Variants in KDM4C observed in about 807,000 individuals in gnomAD.
The protein encoded by KDM4C is lysine demethylase 4C.
In KDM4C, 81 loss-of-function variants were observed where a neutral mutation model predicts 129.3. That is an observed-to-expected ratio of 0.63 (90% confidence interval 0.52 to 0.75). The LOEUF (loss-of-function observed/expected upper bound fraction) is 0.75, where lower values mean the gene tolerates loss of function less well. KDM4C is among the 30% of genes least tolerant of loss of function. KDM4C has a pLI of 0.00. For synonymous variants in KDM4C, 573 were observed against 456.1 expected (o/e 1.26, Z -3.26); for missense variants, 1,457 against 1,304.0 (o/e 1.12, Z -1.81).
intron 17 of KDM4C, chr9:7,076,655 C>T (rs954224108): frequency 1.5e-5 from 20 of 1,310,918 alleles, no homozygotes; most frequent in Middle Eastern, 2.0e-4. Context: ...CCTTTTGTAT[C>T]TGTCATTTTC....
chr9:6,856,532 C>G (rs1305394269), intron 5 of KDM4C, among the ~76,000 whole-genome samples: 4 of 127,602 alleles, frequency 3.1e-5, no homozygotes, highest in East Asian at 2.4e-4. Context: ...ATATCTCTCT[C>G]TGTGTGCGTG....
At chr9:6,909,623 A>T (rs557872052) in intron 8 of KDM4C, among the ~76,000 whole-genome samples, 1 of 152,188 alleles carries the variant, frequency 6.6e-6, no homozygotes, top group African/African-American at 2.4e-5. Flanking sequence ...TAAAAAAAAA[A>T]TAAAAATAAG....
chr9:6,872,190 A>G (rs948094858), intron 5 of KDM4C, among the ~76,000 whole-genome samples: 1 of 152,180 alleles, frequency 6.6e-6, no homozygotes. Context: ...GCAGTGAGGT[A>G]TGAAGGTTTT....
In KDM4C at chr9:6,941,385, G is replaced by T. The variant is rs190658510; in HGVS notation, c.922-39540G>T. ...CTTTTAATGGGGTTGTTCTTTTCTT[G>T]TAAATTTGTTTCTTATAGATGCTGT... On this transcript the variant is annotated intron_variant, in intron 8 of 21. Coordinates refer to ENST00000381309, the MANE Select transcript of KDM4C (RefSeq NM_015061.6). Among the ~76,000 whole-genome samples, 430 of 151,990 alleles carry T rather than the reference G, an allele frequency of 2.8e-3. 1 individual carries two copies. Among genetic ancestry groups the T allele is most frequent in the African/African-American group, 9.9e-3 (411 of 41,480 alleles).
intron 6 of KDM4C, among the ~76,000 whole-genome samples, chr9:6,881,751 T>C (rs190812157): frequency 6.6e-6 from 1 of 152,326 alleles, no homozygotes; most frequent in East Asian, 1.9e-4. Context: ...TTCAAAACTC[T>C]TTTGCAGCAA....
chr9:6,854,291 G>A (rs960846619), intron 5 of KDM4C, among the ~76,000 whole-genome samples: 7 of 152,168 alleles, frequency 4.6e-5, no homozygotes, highest in South Asian at 4.1e-4. Flanking sequence ...CACTTTGGGA[G>A]GCCGAGGCGG....
chr9:7,165,466 C>G, intron 20 of KDM4C, 109 bp downstream of exon 20: 2 of 1,261,216 alleles, frequency 1.6e-6, no homozygotes, highest in Middle Eastern at 2.5e-4. Flanking sequence ...TTTGGGACAC[C>G]TCTTATTTTA....
intron 17 of KDM4C, among the ~76,000 whole-genome samples, chr9:7,097,475 C>T (rs1444805298): frequency 6.6e-6 from 1 of 152,200 alleles, no homozygotes; most frequent in African/African-American, 2.4e-5. Context: ...CTACACTCTC[C>T]TGCCACATCA....
chr9:6,779,017 A>T (rs1422106484), intron 1 of KDM4C, among the ~76,000 whole-genome samples: 3 of 127,074 alleles, frequency 2.4e-5, no homozygotes. Flanking sequence ...CTACCTCACC[A>T]GGCCTGATTA....
chr9:6,966,705 G>A (rs952207456), intron 8 of KDM4C, among the ~76,000 whole-genome samples: 1 of 151,992 alleles, frequency 6.6e-6, no homozygotes, highest in Non-Finnish European at 1.5e-5. Flanking sequence ...TTTTGTCAAA[G>A]GCATCCAACC....
chr9:6,777,706 A>G (rs978110685), intron 1 of KDM4C, among the ~76,000 whole-genome samples: 7 of 151,954 alleles, frequency 4.6e-5, no homozygotes, highest in African/African-American at 1.7e-4. Flanking sequence ...ATCTTGGTTC[A>G]CCGCAACCTC....
At chr9:6,839,153 C>G (rs1836428914) in intron 4 of KDM4C, among the ~76,000 whole-genome samples, 1 of 152,150 alleles carries the variant, frequency 6.6e-6, no homozygotes, top group South Asian at 2.1e-4. Context: ...TCTTTAAAGA[C>G]AAAGTCTTCT....
At chr9:6,874,461 T>C (rs546681503) in intron 5 of KDM4C, among the ~76,000 whole-genome samples, 5 of 152,246 alleles carry the variant, frequency 3.3e-5, no homozygotes, top group Non-Finnish European at 5.9e-5. Flanking sequence ...TGACTTTTAC[T>C]GATTTTCAAA....
At chr9:6,802,511 C>T (rs1829195446) in intron 2 of KDM4C, among the ~76,000 whole-genome samples, 1 of 152,130 alleles carries the variant, frequency 6.6e-6, no homozygotes, top group Admixed American at 6.5e-5. Flanking sequence ...TTAGAAAAAG[C>T]CACATGCCCA....
intron 17 of KDM4C, among the ~76,000 whole-genome samples, chr9:7,066,680 A>T (rs1043183769): frequency 6.6e-6 from 1 of 152,196 alleles, no homozygotes; most frequent in African/African-American, 2.4e-5. Flanking sequence ...GTGAGTCATG[A>T]AACACTATGC....
At chr9:6,835,074 C>T (rs1201145859) in intron 4 of KDM4C, 17 of 980,254 alleles carry the variant, frequency 1.7e-5, no homozygotes, top group South Asian at 5.1e-5. Context: ...AGTGGGATAT[C>T]GTGCGTGACA....
intron 1 of KDM4C, chr9:6,735,046 C>A: frequency 4.2e-6 from 2 of 472,138 alleles, no homozygotes; most frequent in South Asian, 3.4e-5. Context: ...CATGGGTGGT[C>A]AAAGAGATGC....
intron 4 of KDM4C, among the ~76,000 whole-genome samples, chr9:6,824,358 A>T (rs113064087): frequency 6.6e-6 from 1 of 152,172 alleles, no homozygotes; most frequent in Non-Finnish European, 1.5e-5. Flanking sequence ...TTGTGATCTG[A>T]TAACAGACTG....
At chr9:6,813,654 T>A (rs984031098) in intron 3 of KDM4C, among the ~76,000 whole-genome samples, 70 of 152,330 alleles carry the variant, frequency 4.6e-4, no homozygotes, top group African/African-American at 1.6e-3. Flanking sequence ...GAAGAAACAT[T>A]GGTATTCCTT....
Sources: allele counts gnomAD v4.1 joint callset (sites outside exome capture counted in the v4.1 genomes callset), GRCh38; gene constraint gnomAD v4.1.1; transcripts MANE v1.5; gene names NCBI Gene and HGNC (gene_info 2026-07-23, HGNC 2026-07-21).